The following AJAP1 variants were observed in gnomAD, a reference collection of about 807,000 sequenced individuals.
AJAP1 encodes adherens junction-associated protein 1.
Under a neutral mutation model 35.0 loss-of-function variants are expected in AJAP1, and 5 were observed. That is an observed-to-expected ratio of 0.14 (90% CI 0.07 to 0.30). The LOEUF (loss-of-function observed/expected upper bound fraction) is 0.30, where lower values mean the gene tolerates loss of function less well. Ranked by LOEUF, AJAP1 falls within the 10% of genes least tolerant of loss-of-function variation. AJAP1 has a pLI of 1.00. For missense variants in AJAP1, 586 were observed against 571.0 expected, an observed-to-expected ratio of 1.03 and a Z score of -0.27; for synonymous variants, 284 against 249.3, an observed-to-expected ratio of 1.14 and a Z score of -1.31.
chr1:4,675,722 C>A (rs1258159473), intron 1 of AJAP1, among the ~76,000 whole-genome samples: 2 of 152,214 alleles, frequency 1.3e-5, no homozygotes, highest in African/African-American at 4.8e-5. Flanking sequence ...AAAGGTCTGA[C>A]CTCTCTTGGG....
rs1641904479 is a variant in AJAP1 at position 4,774,521 on chromosome 1, T to C, written c.*22T>C. 2 of 1,610,286 alleles carry C rather than the reference T, an allele frequency of 1.2e-6. No individual in the cohort carries two copies. The highest frequency in any genetic ancestry group is 1.7e-5 in the Admixed American group (1 of 60,016). On this transcript the variant is annotated 3_prime_UTR_variant, in exon 5 of 6. Coordinates refer to ENST00000378191, the MANE Select transcript of AJAP1 (RefSeq NM_018836.4). ...CTGACTGGCCGAAGTCTTTTTTACC[T>C]CCTGGGGGCAGGGCAGACGCCGTGT...
At chr1:4,750,227 T>C (rs1641291982) in intron 2 of AJAP1, among the ~76,000 whole-genome samples, 1 of 152,216 alleles carries the variant, frequency 6.6e-6, no homozygotes, top group Admixed American at 6.5e-5. Flanking sequence ...TATTTGTGTG[T>C]GTTCATGCAT....
chr1:4,681,491 G>A (rs1639482915), intron 1 of AJAP1, among the ~76,000 whole-genome samples: 1 of 152,192 alleles, frequency 6.6e-6, no homozygotes, highest in African/African-American at 2.4e-5. Context: ...TAATTTGTGT[G>A]CCTTTCTCGG....
intron 1 of AJAP1, among the ~76,000 whole-genome samples, chr1:4,686,743 G>A (rs760536805): frequency 5.3e-5 from 8 of 152,210 alleles, no homozygotes; most frequent in Non-Finnish European, 1.5e-5. Context: ...TGCTCTTCCC[G>A]GCTGAGGTCA....
In AJAP1 at chr1:4,785,472, G is replaced by A. The variant is rs920899643; in HGVS notation, c.*2987G>A. 2 of 152,210 alleles carry A rather than the reference G, an allele frequency of 1.3e-5. No homozygotes were observed. The highest frequency in any genetic ancestry group is 4.8e-5 in the African/African-American group (2 of 41,438). 9.4% of individuals were successfully genotyped at this position (152,210 alleles called of 1,614,324 possible). On this transcript the variant is annotated 3_prime_UTR_variant, in exon 6 of 6. Transcript: ENST00000378191. ...CCCCTCACCTGGGATTGTCGTCTAG[G>A]TAAGAGGAGATAATGAGTGAAAGTG...
At chr1:4,775,532 C>G (rs1054934373) in intron 5 of AJAP1, among the ~76,000 whole-genome samples, 1 of 152,188 alleles carries the variant, frequency 6.6e-6, no homozygotes, top group Non-Finnish European at 1.5e-5. Context: ...CAGGGGCCCG[C>G]GGACAGGGAA....
At chr1:4,774,288 T>G in intron 4 of AJAP1, 139 bp from the exon 5 acceptor site, 1 of 733,998 alleles carries the variant, frequency 1.4e-6, no homozygotes, top group South Asian at 1.7e-5. Context: ...GGGTGGTCCC[T>G]TCCTGGCAAG....
intron 1 of AJAP1, among the ~76,000 whole-genome samples, chr1:4,709,114 G>A (rs1640164437): frequency 6.6e-6 from 1 of 152,220 alleles, no homozygotes; most frequent in African/African-American, 2.4e-5. Context: ...GGCAGGCACG[G>A]GCTTAGGTGC....
At chr1:4,750,526 A>C (rs1557639239) in intron 2 of AJAP1, among the ~76,000 whole-genome samples, 1 of 151,902 alleles carries the variant, frequency 6.6e-6, no homozygotes, top group Admixed American at 6.6e-5. Context: ...CCAGGCTGGG[A>C]TCAGTGGGTT....
intron 2 of AJAP1, among the ~76,000 whole-genome samples, chr1:4,755,016 T>C (rs1460048269): frequency 1.3e-5 from 2 of 152,058 alleles, no homozygotes; most frequent in African/African-American, 4.8e-5. Flanking sequence ...GTCTCTGCCT[T>C]GGAGCCAGGT....
rs1642122464 is a variant in AJAP1, at chr1:4,784,146, A to G, written c.*1661A>G. ...CTGAGCCTCAGTACAGAGAATCCCAACCACACACACTTTATTAAAAATACT... is the reference window on the plus strand; with the variant it reads ...CTGAGCCTCAGTACAGAGAATCCCAGCCACACACACTTTATTAAAAATACT... On this transcript the variant is annotated 3_prime_UTR_variant, in exon 6 of 6. Transcript: ENST00000378191. 1 of 152,106 alleles carries G rather than the reference A, an allele frequency of 6.6e-6. No individual in the cohort carries two copies. The highest frequency in any genetic ancestry group is 2.4e-5 in the African/African-American group (1 of 41,390). 9.4% of individuals were successfully genotyped at this position (152,106 alleles called of 1,614,324 possible). A position where few individuals can be genotyped will look rare whatever the true frequency, so the allele number is the denominator to read the frequency against.
intron 1 of AJAP1, among the ~76,000 whole-genome samples, chr1:4,675,702 A>G (rs1639347938): frequency 6.6e-6 from 1 of 152,208 alleles, no homozygotes; most frequent in Non-Finnish European, 1.5e-5. Flanking sequence ...GCCTTCCAGG[A>G]GCCCAGGGCA....
chr1:4,700,312 C>T (rs1244257047), intron 1 of AJAP1, among the ~76,000 whole-genome samples: 1 of 152,168 alleles, frequency 6.6e-6, no homozygotes, highest in African/African-American at 2.4e-5. Context: ...CAGCTCTTAA[C>T]CCGGGATGTA....
chr1:4,680,113 A>G (rs1188109075), intron 1 of AJAP1, among the ~76,000 whole-genome samples: 1 of 152,170 alleles, frequency 6.6e-6, no homozygotes, highest in Admixed American at 6.5e-5. Flanking sequence ...AGTCAGGCAG[A>G]GAGTGTTCCC....
At chr1:4,682,814 G>T (rs1027569099) in intron 1 of AJAP1, among the ~76,000 whole-genome samples, 15 of 152,236 alleles carry the variant, frequency 9.9e-5, no homozygotes, top group African/African-American at 3.4e-4. Flanking sequence ...AATGATGATA[G>T]TGGTGATACT....
intron 1 of AJAP1, among the ~76,000 whole-genome samples, chr1:4,705,576 A>G (rs1433505369): frequency 6.6e-6 from 1 of 151,528 alleles, no homozygotes; most frequent in Non-Finnish European, 1.5e-5. Flanking sequence ...TTCAGCAGGG[A>G]GGGGTCCTGT....
At chr1:4,732,998 G>A (rs781001172) in intron 2 of AJAP1, among the ~76,000 whole-genome samples, 19 of 152,136 alleles carry the variant, frequency 1.2e-4, no homozygotes, top group Non-Finnish European at 1.9e-4. Flanking sequence ...AGGATTTCTG[G>A]ACTCTTCTTT....
intron 1 of AJAP1, among the ~76,000 whole-genome samples, chr1:4,679,808 G>GGT (rs60846836): frequency 0.21 from 29,601 of 141,976 alleles, 3,012 homozygotes; most frequent in Non-Finnish European, 0.23. Flanking sequence ...GAACCAATAG[G>GGT]GTGTGTGTGT....
chr1:4,753,906 C>T (rs1032093456), intron 2 of AJAP1, among the ~76,000 whole-genome samples: 3 of 152,186 alleles, frequency 2.0e-5, no homozygotes, highest in Admixed American at 6.5e-5. Flanking sequence ...CTGATAACTC[C>T]AATACTTACT....
Sources: gnomAD v4.1 joint callset for allele counts (sites outside exome capture counted in the v4.1 genomes callset) on GRCh38, gnomAD v4.1.1 for gene constraint, MANE v1.5 for transcripts, NCBI Gene and HGNC (gene_info 2026-07-23, HGNC 2026-07-21) for gene names.